The following BMPR1B variants were observed in gnomAD, a reference collection of about 807,000 sequenced individuals.
BMPR1B encodes bone morphogenetic protein receptor type-1B.
In BMPR1B, 12 loss-of-function variants were observed where a neutral mutation model predicts 59.1. The ratio of observed to expected loss-of-function variants is 0.20; its 90% CI spans 0.13 to 0.33. The LOEUF is 0.33. Among genes scored for constraint, BMPR1B ranks in the 10% least tolerant of loss-of-function variants. BMPR1B has a pLI of 1.00. For missense variants in BMPR1B, 550 were observed against 610.9 expected (o/e 0.90, Z 1.05); for synonymous variants, 237 against 207.3 (o/e 1.14, Z -1.23).
At chr4:94,915,339 G>A (rs1187150639) in intron 2 of BMPR1B, among the ~76,000 whole-genome samples, 2 of 152,066 alleles carry the variant, frequency 1.3e-5, no homozygotes, top group Non-Finnish European at 2.9e-5. Flanking sequence ...TTTTGAAAAA[G>A]CCATTGAAGT....
At chr4:94,771,325 T>C (rs1722178803) in intron 1 of BMPR1B, among the ~76,000 whole-genome samples, 1 of 152,178 alleles carries the variant, frequency 6.6e-6, no homozygotes. Flanking sequence ...TCTAAATCCA[T>C]GCTCAAATGT....
intron 1 of BMPR1B, among the ~76,000 whole-genome samples, chr4:94,872,902 A>C (rs1346844987): frequency 1.3e-5 from 2 of 152,238 alleles, no homozygotes; most frequent in Non-Finnish European, 1.5e-5. Flanking sequence ...AAGAGATTTC[A>C]GTTTGATACA....
rs117423285 is a variant in BMPR1B, at chr4:94,765,367, T to A, written c.-183+7299T>A. On this transcript the variant is annotated intron_variant, in intron 1 of 12. Transcript: ENST00000515059. ...GCATCAGTAACCCCATCTACATCAA[T>A]GTATGCATTCTGAAACATATTTAAT... Among the ~76,000 whole-genome samples, 36 of 152,306 alleles carry A rather than the reference T, an allele frequency of 2.4e-4. No homozygotes were observed. In the East Asian group the frequency reaches 6.9e-3, roughly 29 times the overall value.
chr4:94,965,766 G>A (rs1467370947), intron 2 of BMPR1B, among the ~76,000 whole-genome samples: 2 of 150,592 alleles, frequency 1.3e-5, no homozygotes, highest in South Asian at 2.1e-4. Context: ...AGAGTAAATT[G>A]TGTGTGTGAG....
chr4:94,927,022 C>A (rs973560697), intron 2 of BMPR1B, among the ~76,000 whole-genome samples: 4 of 152,074 alleles, frequency 2.6e-5, no homozygotes, highest in Non-Finnish European at 5.9e-5. Context: ...TGTGTATAAT[C>A]CATTTACCCA....
intron 1 of BMPR1B, among the ~76,000 whole-genome samples, chr4:94,795,428 T>C (rs982273061): frequency 3.6e-5 from 5 of 138,226 alleles, no homozygotes; most frequent in African/African-American, 1.5e-4. Context: ...AAACTTCTTA[T>C]TGAAACATTT....
At chr4:94,897,402 G>A (rs573574311) in intron 2 of BMPR1B, among the ~76,000 whole-genome samples, 32 of 152,116 alleles carry the variant, frequency 2.1e-4, no homozygotes, top group African/African-American at 7.7e-4. Flanking sequence ...TGGCTGTTAA[G>A]GTACTGTTCT....
intron 2 of BMPR1B, among the ~76,000 whole-genome samples, chr4:94,906,705 C>T (rs1465674918): frequency 3.3e-5 from 5 of 151,936 alleles, no homozygotes; most frequent in African/African-American, 1.2e-4. Flanking sequence ...TCTCCTTGGC[C>T]TGATAGATTG....
At chr4:94,805,165 A>G (rs1723559977) in intron 1 of BMPR1B, among the ~76,000 whole-genome samples, 1 of 152,208 alleles carries the variant, frequency 6.6e-6, no homozygotes, top group Admixed American at 6.5e-5. Flanking sequence ...GTGTCTATAT[A>G]TACCATATTT....
At chr4:95,020,637 T>G (rs1371978307) in intron 3 of BMPR1B, among the ~76,000 whole-genome samples, 1 of 151,978 alleles carries the variant, frequency 6.6e-6, no homozygotes, top group Non-Finnish European at 1.5e-5. Flanking sequence ...ATTGCTGGGA[T>G]TGAGAAACTT....
At chr4:95,123,555 T>C (rs1385605714) in intron 6 of BMPR1B, among the ~76,000 whole-genome samples, 1 of 152,148 alleles carries the variant, frequency 6.6e-6, no homozygotes, top group African/African-American at 2.4e-5. Context: ...AGTTTTATCC[T>C]GTGTCGAGCC....
rs141571314 is a variant in BMPR1B at position 94,967,683 on chromosome 4, C to T, written c.-112-28357C>T. On this transcript the variant is annotated intron_variant, in intron 2 of 12. Coordinates refer to ENST00000515059, the MANE Select transcript of BMPR1B (RefSeq NM_001203.3). ...ATTTTTAGTAGAGATGGGGTTTCAC[C>T]GTGTTGACCAGGCTGGTCTCGAACT... is the stretch of plus-strand genomic sequence containing the variant. 7.3e-3 allele frequency among the ~76,000 whole-genome samples: 1,112 copies of T among 152,080 alleles called. 9 individuals are homozygous for T. The highest frequency in any genetic ancestry group is 0.012 in the Non-Finnish European group (800 of 68,002).
chr4:94,794,966 G>C (rs111773704), intron 1 of BMPR1B, among the ~76,000 whole-genome samples: 1,733 of 142,512 alleles, frequency 0.012, 1 homozygote, highest in East Asian at 0.061. Flanking sequence ...CATCTGCAAA[G>C]AGGGACAATT....
At chr4:95,088,659 A>G (rs1579058692) in intron 3 of BMPR1B, among the ~76,000 whole-genome samples, 1 of 152,138 alleles carries the variant, frequency 6.6e-6, no homozygotes, top group African/African-American at 2.4e-5. Flanking sequence ...TATGGGCTTA[A>G]TAATAAAAGT....
At chr4:95,057,271 A>G (rs1166911504) in intron 3 of BMPR1B, among the ~76,000 whole-genome samples, 1 of 151,956 alleles carries the variant, frequency 6.6e-6, no homozygotes, top group East Asian at 1.9e-4. Context: ...TTTGAGACAG[A>G]ATCTCACTCT....
chr4:95,074,385 C>T (rs1488660529), intron 3 of BMPR1B, among the ~76,000 whole-genome samples: 4 of 152,072 alleles, frequency 2.6e-5, no homozygotes, highest in Non-Finnish European at 5.9e-5. Flanking sequence ...GAAATCTTTC[C>T]TTTCAGTTCA....
At chr4:95,113,069 T>TA (rs1175524911) in intron 4 of BMPR1B, among the ~76,000 whole-genome samples, 4 of 152,214 alleles carry the variant, frequency 2.6e-5, no homozygotes, top group South Asian at 4.1e-4. Flanking sequence ...AGGAAAAGAA[T>TA]AAAAAAGTCA....
intron 1 of BMPR1B, among the ~76,000 whole-genome samples, chr4:94,788,193 G>A (rs182927483): frequency 4.4e-4 from 67 of 152,260 alleles, no homozygotes; most frequent in South Asian, 1.9e-3. Flanking sequence ...TTAGCCACAG[G>A]ACACAGTAAG....
chr4:94,988,502 G>T (rs902629267), intron 2 of BMPR1B, among the ~76,000 whole-genome samples: 2 of 152,068 alleles, frequency 1.3e-5, no homozygotes, highest in African/African-American at 2.4e-5. Context: ...CTTTAGTTTA[G>T]TTTGCCATTT....
Sources: gnomAD v4.1 joint callset for allele counts (sites outside exome capture counted in the v4.1 genomes callset) on GRCh38, gnomAD v4.1.1 for gene constraint, MANE v1.5 for transcripts, NCBI Gene and HGNC (gene_info 2026-07-23, HGNC 2026-07-21) for gene names.